HPN: variants seen among roughly 807,000 people sequenced by gnomAD.
The protein encoded by HPN is serine protease hepsin.
Under a neutral mutation model 55.9 loss-of-function variants are expected in HPN, and 13 were observed. The ratio of observed to expected loss-of-function variants is 0.23; its 90% CI spans 0.15 to 0.37. The LOEUF is 0.37. Among genes scored for constraint, HPN ranks in the 10% least tolerant of loss-of-function variants. The probability of loss-of-function intolerance (pLI) is 1.00; values close to 1 mark genes in which losing one functional copy is unlikely to be tolerated. For synonymous variants in HPN, 225 were observed against 240.3 expected (o/e 0.94, Z 0.59); for missense variants, 451 against 575.8 (o/e 0.78, Z 2.22).
At chr19:35,049,551 C>T (rs1177505222) in intron 4 of HPN, 35 bp downstream of exon 4, 9 of 1,571,928 alleles carry the variant, frequency 5.7e-6, no homozygotes, top group Non-Finnish European at 6.9e-6. Flanking sequence ...CTGGGGGAGC[C>T]CTGGAGGACA....
chr19:35,062,261 G>A (rs2064544528), intron 9 of HPN, among the ~76,000 whole-genome samples: 1 of 152,136 alleles, frequency 6.6e-6, no homozygotes, highest in African/African-American at 2.4e-5. Flanking sequence ...TTGTCTGGGT[G>A]ATGAAAGATT....
At position 35,041,848 on chromosome 19, in the gene HPN, C is replaced by A; in HGVS notation, c.-79C>A. On this transcript the variant is annotated 5_prime_UTR_variant, in exon 1 of 13. Coordinates refer to ENST00000672452, the MANE Select transcript of HPN (RefSeq NM_001384133.1). ...CCGACCCCGGCACTACCTCGAGGCT[C>A]CGCCCCCACCTGCTGGACCCCAGGG... The A allele has an allele frequency of 7.4e-7, 1 of 1,342,896 alleles. No individual in the cohort carries two copies. The highest frequency in any genetic ancestry group is 4.7e-5 in the East Asian group (1 of 21,150). The allele number at this position is 1,342,896 out of a possible 1,614,324, so 83.2% of individuals were successfully genotyped here. A position where few individuals can be genotyped will look rare whatever the true frequency, so the allele number is the denominator to read the frequency against.
rs2064297593 is a variant in HPN at position 35,041,886 on chromosome 19, C to T, written c.-55+14C>T. 3 of 1,331,660 alleles carry T rather than the reference C, an allele frequency of 2.3e-6. No homozygotes were observed. The highest frequency in any genetic ancestry group is 3.0e-6 in the Non-Finnish European group (3 of 1,013,568). 82.5% of individuals were successfully genotyped at this position (1,331,660 alleles called of 1,614,324 possible). A position where few individuals can be genotyped will look rare whatever the true frequency, so the allele number is the denominator to read the frequency against. ...CTGGACCCCAGGGTAAGGACAAGGG[C>T]CCCCAGACTCACAGTTCCAGCCCTG... On this transcript the variant is annotated intron_variant, in intron 1 of 12. Coordinates refer to ENST00000672452, the MANE Select transcript of HPN (RefSeq NM_001384133.1).
rs1385669611 is a variant in HPN at position 35,065,352 on chromosome 19, C to T, written c.907+7C>T. The T allele has an allele frequency of 1.2e-6, 2 of 1,608,052 alleles. No individual in the cohort carries two copies. Among genetic ancestry groups the T allele is most frequent in the South Asian group, 1.1e-5 (1 of 90,624 alleles). ...GGCAACACGCAGTACTATGGTGAGTCCTGTCCTCTGCCTCTGATGCCACCG... is the reference window on the plus strand; with the variant it reads ...GGCAACACGCAGTACTATGGTGAGTTCTGTCCTCTGCCTCTGATGCCACCG... On this transcript the variant is annotated splice_region_variant and intron_variant, in intron 10 of 12. Transcript: ENST00000672452.
intron 4 of HPN, 27 bp downstream of exon 4, chr19:35,049,543 G>T: frequency 6.3e-7 from 1 of 1,582,936 alleles, no homozygotes; most frequent in East Asian, 2.3e-5. Context: ...GGGACCCTCT[G>T]GGGGAGCCCT....
In HPN at chr19:35,042,281, A is replaced by G. The variant is rs554718841; in HGVS notation, c.-54-172A>G. On this transcript the variant is annotated intron_variant, in intron 1 of 12. Coordinates refer to ENST00000672452, the MANE Select transcript of HPN (RefSeq NM_001384133.1). ...TCCAGGCGTCCCCCCGCTGCTGGTC[A>G]GACACTGACCCCATCCTTGAACCCA... The G allele has an allele frequency of 4.4e-6, 6 of 1,377,002 alleles. No individual in the cohort carries two copies. The East Asian group carries it at 1.7e-4, about 40-fold the overall frequency. 85.3% of individuals were successfully genotyped at this position (1,377,002 alleles called of 1,614,324 possible).
At chr19:35,045,324 G>T (rs1178204108) in intron 2 of HPN, among the ~76,000 whole-genome samples, 1 of 152,098 alleles carries the variant, frequency 6.6e-6, no homozygotes, top group East Asian at 1.9e-4. Context: ...GAGGCGGGAA[G>T]GAAAATCAGG....
chr19:35,066,301 G>T lies in HPN; in HGVS notation c.*14G>T. 1.9e-6 allele frequency: 3 copies of T among 1,607,748 alleles called. No homozygotes were observed. Among genetic ancestry groups the T allele is most frequent in the Non-Finnish European group, 2.5e-6 (3 of 1,177,492 alleles). On this transcript the variant is annotated 3_prime_UTR_variant, in exon 13 of 13. Coordinates refer to ENST00000672452, the MANE Select transcript of HPN (RefSeq NM_001384133.1). ...ACCCAGCTCTGACCGGTGGCTTCTC[G>T]CTGCGCAGCCTCCAGGGCCCGAGGT...
chr19:35,054,479 GC>G (rs1301995354), intron 4 of HPN, among the ~76,000 whole-genome samples: 2 of 151,540 alleles, frequency 1.3e-5, no homozygotes, highest in Non-Finnish European at 2.9e-5. Flanking sequence ...GATTCAGAGA[GC>G]CACTTGGATA....
At chr19:35,053,063 T>C (rs1187950738) in intron 4 of HPN, among the ~76,000 whole-genome samples, 2 of 152,080 alleles carry the variant, frequency 1.3e-5, no homozygotes, top group East Asian at 1.9e-4. Context: ...CACTTCTAAA[T>C]ATATCCAACA....
At chr19:35,046,520 C>T (rs2064343995) in intron 2 of HPN, among the ~76,000 whole-genome samples, 1 of 152,236 alleles carries the variant, frequency 6.6e-6, no homozygotes, top group African/African-American at 2.4e-5. Context: ...ACCGGGATTA[C>T]AGGCATGAGC....
At chr19:35,053,474 G>A (rs953479607) in intron 4 of HPN, among the ~76,000 whole-genome samples, 5 of 152,076 alleles carry the variant, frequency 3.3e-5, no homozygotes, top group African/African-American at 9.6e-5. Context: ...AGGCCAGGCC[G>A]GTGCGGTGGC....
chr19:35,049,857 G>GTT (rs1245207536), intron 4 of HPN, among the ~76,000 whole-genome samples: 6 of 82,700 alleles, frequency 7.3e-5, no homozygotes, highest in African/African-American at 1.4e-4. Context: ...GCTAATTTTT[G>GTT]TTTGTTTTTT....
upstream of HPN, among the ~76,000 whole-genome samples, chr19:35,041,275 A>C (rs1032841016): frequency 1.3e-5 from 2 of 151,900 alleles, no homozygotes; most frequent in African/African-American, 4.8e-5. Context: ...TGAGCAGGGC[A>C]GGCGGGAGAG....
upstream of HPN, among the ~76,000 whole-genome samples, chr19:35,040,883 CGTGTGGGTA>C (rs1568353198): frequency 6.6e-6 from 1 of 152,070 alleles, no homozygotes; most frequent in East Asian, 1.9e-4. Flanking sequence ...ACAGCGGGCA[CGTGTGGGTA>C]AGCGGGTGGG....
At chr19:35,042,619 C>A in intron 2 of HPN, 97 bp downstream of exon 2, 2 of 987,030 alleles carry the variant, frequency 2.0e-6, no homozygotes, top group South Asian at 1.5e-5. Flanking sequence ...CCCCCTCTCT[C>A]TGGGCACCCC....
Position 35,060,156 on chromosome 19 carries a change from C to G in HPN, c.441C>G (p.Ala147=). The change falls in exon 7 of 13, where the codon GCC becomes GCG. Residue 147 remains alanine (A), a synonymous_variant. Transcript: ENST00000672452. The part of the protein sequence containing the change: ...VCDCPRGRFL[A]AICQDCGRRK... ...ATTGCCCCAGAGGCCGTTTCTTGGC[C>G]GCCATCTGCCAAGGTGAGATCCTAA... 6.2e-7 allele frequency: 1 copy of G among 1,614,150 alleles called. No homozygotes were observed. Among genetic ancestry groups the G allele is most frequent in the Non-Finnish European group, 8.5e-7 (1 of 1,180,024 alleles).
chr19:35,050,975 G>A (rs1180203909), intron 4 of HPN, among the ~76,000 whole-genome samples: 2 of 127,374 alleles, frequency 1.6e-5, no homozygotes, highest in Admixed American at 1.9e-4. Context: ...GGAGTGCAGT[G>A]ACACGATCTT....
intron 2 of HPN, among the ~76,000 whole-genome samples, chr19:35,047,332 TC>T (rs1168757420): frequency 6.6e-6 from 1 of 152,212 alleles, no homozygotes; most frequent in Non-Finnish European, 1.5e-5. Context: ...CCTGTGCTGT[TC>T]CCTCTGCCCA....
Sources: allele counts gnomAD v4.1 joint callset (sites outside exome capture counted in the v4.1 genomes callset), GRCh38; gene constraint gnomAD v4.1.1; transcripts MANE v1.5; gene names NCBI Gene and HGNC (gene_info 2026-07-23, HGNC 2026-07-21).